MYOM1: variants seen among roughly 807,000 people sequenced by gnomAD.
The protein encoded by MYOM1 is myomesin 1.
MYOM1 carries 164 observed loss-of-function variants against 205.3 expected under a neutral mutation model. That is an observed-to-expected ratio of 0.80 (90% CI 0.70 to 0.91). MYOM1 has a LOEUF of 0.91. Ranked by LOEUF, MYOM1 falls within the 40% of genes least tolerant of loss-of-function variation. MYOM1 has a pLI of 0.00. For missense variants in MYOM1, 2,011 were observed against 2,127.3 expected, an observed-to-expected ratio of 0.95 and a Z score of 1.08; for synonymous variants, 772 against 789.4, an observed-to-expected ratio of 0.98 and a Z score of 0.37.
At chr18:3,093,621 A>G (rs2079257127) in intron 26 of MYOM1, 1 of 152,234 alleles carries the variant, frequency 6.6e-6, no homozygotes, top group Non-Finnish European at 1.5e-5. Flanking sequence ...TTTTTGCTGG[A>G]AAGACTCCCC....
Position 3,195,439 on chromosome 18 carries a change from C to T in MYOM1, c.291-1481G>A, listed in dbSNP as rs376685985. On this transcript the variant is annotated intron_variant, in intron 2 of 37. Transcript: ENST00000356443. ...AGCAAAACGACTGCATTCTATACCCCGGCAGGTCACAAAGTACAGGCTGTG... is the reference window on the plus strand; with the variant it reads ...AGCAAAACGACTGCATTCTATACCCTGGCAGGTCACAAAGTACAGGCTGTG... Among the ~76,000 whole-genome samples, 20 of 152,316 alleles carry T rather than the reference C, an allele frequency of 1.3e-4. No homozygotes were observed. The East Asian group carries it at 2.5e-3, about 19-fold the overall frequency.
chr18:3,197,106 C>G (rs1000400173), intron 2 of MYOM1, among the ~76,000 whole-genome samples: 4 of 148,404 alleles, frequency 2.7e-5, no homozygotes, highest in Admixed American at 2.7e-4. Context: ...GGTTAGTGTT[C>G]TTTACACTAT....
chr18:3,171,994 T>C (rs1402205669), intron 8 of MYOM1, among the ~76,000 whole-genome samples: 1 of 152,240 alleles, frequency 6.6e-6, no homozygotes, highest in African/African-American at 2.4e-5. Context: ...CTCTGTGTTC[T>C]TCTCTAAACT....
rs777600490 is a variant in MYOM1, at chr18:3,129,522, A to G, written c.2507-3T>C. The G allele has an allele frequency of 2.5e-6, 4 of 1,603,920 alleles. No individual in the cohort carries two copies. The highest frequency in any genetic ancestry group is 3.4e-6 in the Non-Finnish European group (4 of 1,174,016). On this transcript the variant is annotated splice_region_variant and splice_polypyrimidine_tract_variant and intron_variant, in intron 17 of 37. Transcript: ENST00000356443. Reference sequence around the variant, plus strand: ...CACATCTGGAGACACTCCTCCCCCTACAGTTGCCAGACAACAACAGAAACG... The same window carrying G: ...CACATCTGGAGACACTCCTCCCCCTGCAGTTGCCAGACAACAACAGAAACG...
At chr18:3,200,787 AAGAG>A (rs1051126230) in intron 2 of MYOM1, among the ~76,000 whole-genome samples, 3 of 152,150 alleles carry the variant, frequency 2.0e-5, no homozygotes, top group South Asian at 2.1e-4. Flanking sequence ...CCAGAAAGGG[AAGAG>A]AGAGAGAAAG....
At chr18:3,088,248 G>A (rs911392313) in intron 29 of MYOM1, among the ~76,000 whole-genome samples, 1 of 152,112 alleles carries the variant, frequency 6.6e-6, no homozygotes, top group Non-Finnish European at 1.5e-5. Flanking sequence ...AAAAAGGATA[G>A]CTTATAGGGA....
intron 26 of MYOM1, among the ~76,000 whole-genome samples, 167 bp from the exon 27 acceptor site, chr18:3,090,969 G>A (rs914569531): frequency 6.6e-6 from 1 of 152,012 alleles, no homozygotes; most frequent in Non-Finnish European, 1.5e-5. Flanking sequence ...ATTACTTGAG[G>A]CCAGAAGTTT....
At chr18:3,243,911 C>T in the MYOM1 span, among the ~76,000 whole-genome samples, 26,126 of 151,944 alleles carry the variant, frequency 0.17, 2,414 homozygotes, top group East Asian at 0.32. Flanking sequence ...CTTTAGATCT[C>T]ACTTGGGGAA....
At chr18:3,229,887 A>G in the MYOM1 span, among the ~76,000 whole-genome samples, 3 of 150,916 alleles carry the variant, frequency 2.0e-5, no homozygotes, top group Admixed American at 2.0e-4. Flanking sequence ...GAGAATGGAG[A>G]ATCAGTTGAA....
intron 17 of MYOM1, among the ~76,000 whole-genome samples, chr18:3,130,537 G>C (rs1229960578): frequency 6.6e-6 from 1 of 151,798 alleles, no homozygotes; most frequent in African/African-American, 2.4e-5. Context: ...CTGCAGCCTT[G>C]AACTCTTGGA....
At chr18:3,095,719 G>A (rs919491274) in intron 25 of MYOM1, among the ~76,000 whole-genome samples, 1 of 151,890 alleles carries the variant, frequency 6.6e-6, no homozygotes, top group Non-Finnish European at 1.5e-5. Context: ...AGGAGACAGT[G>A]GTAACACGTC....
chr18:3,212,843 A>T (rs924510119), intron 2 of MYOM1, among the ~76,000 whole-genome samples: 1 of 151,238 alleles, frequency 6.6e-6, no homozygotes, highest in African/African-American at 2.4e-5. Flanking sequence ...ATTTGGAAGC[A>T]GTTCGTCTGA....
chr18:3,205,096 A>G (rs905120821), intron 2 of MYOM1, among the ~76,000 whole-genome samples: 7 of 152,166 alleles, frequency 4.6e-5, no homozygotes, highest in East Asian at 1.9e-4. Context: ...AGTTCTAAAT[A>G]TAAGTGCTGA....
chr18:3,183,872 C>G (rs1182896639), intron 5 of MYOM1, among the ~76,000 whole-genome samples: 1 of 151,486 alleles, frequency 6.6e-6, no homozygotes, highest in Non-Finnish European at 1.5e-5. Context: ...GGTGCAAAGT[C>G]AATTAGCACT....
chr18:3,143,768 G>T, intron 13 of MYOM1, among the ~76,000 whole-genome samples: 1 of 152,038 alleles, frequency 6.6e-6, no homozygotes, highest in Non-Finnish European at 1.5e-5. Flanking sequence ...AGGTATGGTG[G>T]TGTGTACCTA....
intron 13 of MYOM1, among the ~76,000 whole-genome samples, chr18:3,142,277 G>T (rs1232532609): frequency 6.6e-6 from 1 of 150,970 alleles, no homozygotes; most frequent in African/African-American, 2.5e-5. Flanking sequence ...TTTTTTTGGA[G>T]GGGGGGAAGG....
chr18:3,185,547 G>T (rs956944889), intron 5 of MYOM1, among the ~76,000 whole-genome samples: 7 of 151,828 alleles, frequency 4.6e-5, no homozygotes, highest in African/African-American at 1.2e-4. Context: ...TTTTTTTTGA[G>T]GTGGGAAGTA....
At chr18:3,244,936 C>CAA in the MYOM1 span, among the ~76,000 whole-genome samples, 7 of 110,300 alleles carry the variant, frequency 6.3e-5, no homozygotes, top group East Asian at 9.7e-4. Flanking sequence ...AATAAAAATA[C>CAA]AAAAAAAAAA....
chr18:3,136,477 G>A (rs971315755), intron 14 of MYOM1, among the ~76,000 whole-genome samples: 2 of 151,898 alleles, frequency 1.3e-5, no homozygotes, highest in Non-Finnish European at 2.9e-5. Context: ...CTGGGCTGGA[G>A]TACAGTGGCA....
Sources: allele counts gnomAD v4.1 joint callset (sites outside exome capture counted in the v4.1 genomes callset), GRCh38; gene constraint gnomAD v4.1.1; transcripts MANE v1.5; gene names NCBI Gene and HGNC (gene_info 2026-07-23, HGNC 2026-07-21).